The following ZNF420 variants were observed in gnomAD, a reference collection of about 807,000 sequenced individuals.
ZNF420 encodes ATM and p53-associated KZNF protein.
A neutral mutation model predicts 44.7 loss-of-function variants in ZNF420; 31 were observed. That is an observed-to-expected ratio of 0.69 (90% CI 0.52 to 0.94). The LOEUF (loss-of-function observed/expected upper bound fraction) is 0.94. ZNF420 is among the 40% of genes least tolerant of loss of function. The pLI, the probability that ZNF420 is intolerant of heterozygous loss-of-function variation, is 0.00. For missense variants in ZNF420, 681 were observed against 827.9 expected, an observed-to-expected ratio of 0.82 and a Z score of 2.18; for synonymous variants, 245 against 267.4, an observed-to-expected ratio of 0.92 and a Z score of 0.82.
chr19:37,062,285 A>G (rs1289632898), intron 1 of ZNF420, among the ~76,000 whole-genome samples: 1 of 152,182 alleles, frequency 6.6e-6, no homozygotes, highest in Non-Finnish European at 1.5e-5. Context: ...AGTCATAGGA[A>G]AGATGGGATG....
chr19:37,121,906 A>T (rs1033978821), intron 4 of ZNF420, among the ~76,000 whole-genome samples: 211 of 152,336 alleles, frequency 1.4e-3, no homozygotes, highest in African/African-American at 4.8e-3. Flanking sequence ...TGCAAATCAA[A>T]ACCACAATAC....
intron 4 of ZNF420, among the ~76,000 whole-genome samples, chr19:37,096,941 C>T (rs143152686): frequency 0.015 from 2,323 of 151,128 alleles, 67 homozygotes; most frequent in African/African-American, 0.054. Context: ...CTGTGTCACC[C>T]AGGCTGGAGT....
intron 4 of ZNF420, among the ~76,000 whole-genome samples, chr19:37,101,184 C>T (rs1969757006): frequency 6.6e-6 from 1 of 152,030 alleles, no homozygotes; most frequent in South Asian, 2.1e-4. Context: ...GATGTCTGTG[C>T]ACTGAGCAAT....
At chr19:37,066,668 T>C (rs910972934) in intron 1 of ZNF420, among the ~76,000 whole-genome samples, 3 of 152,226 alleles carry the variant, frequency 2.0e-5, no homozygotes, top group Non-Finnish European at 2.9e-5. Flanking sequence ...GTAGGGAGAC[T>C]GAAACTCTCA....
At chr19:37,075,114 TGTCCAGGGTCA>T (rs759736068), upstream of ZNF420, 1 of 152,234 alleles carries the variant, frequency 6.6e-6, no homozygotes, top group Non-Finnish European at 1.5e-5. Context: ...TTACCAATGC[TGTCCAGGGTCA>T]GACACTATAA....
upstream of ZNF420, among the ~76,000 whole-genome samples, chr19:37,073,912 T>C (rs1968105243): frequency 6.6e-6 from 1 of 151,904 alleles, no homozygotes; most frequent in African/African-American, 2.4e-5. Flanking sequence ...ACACAGAGGA[T>C]GATAACAGGC....
chr19:37,063,026 T>C (rs914197356), intron 1 of ZNF420, among the ~76,000 whole-genome samples: 1 of 152,254 alleles, frequency 6.6e-6, no homozygotes, highest in Non-Finnish European at 1.5e-5. Context: ...TTAAACATTA[T>C]TTCTAAATTA....
upstream of ZNF420, among the ~76,000 whole-genome samples, chr19:37,076,919 G>A (rs1968171505): frequency 6.6e-6 from 1 of 152,128 alleles, no homozygotes; most frequent in Admixed American, 6.5e-5. Context: ...ATTTCACATA[G>A]CTATGCCTGA....
At chr19:37,092,135 T>G (rs1969187789) in intron 4 of ZNF420, 1 of 152,172 alleles carries the variant, frequency 6.6e-6, no homozygotes, top group Non-Finnish European at 1.5e-5. Flanking sequence ...TTATTCCTTG[T>G]GCTGGAATAA....
rs1164100955 is a variant in ZNF420 at position 37,128,590 on chromosome 19, T to C, written c.1599T>C (p.Cys533=). ...ACACTGGTGAGAAACCCTATGTGTG[T>C]AATGAATGTGGAAAGGCCTTTGCGC... is the stretch of plus-strand genomic sequence containing the variant. ...RLHTGEKPYV[C]NECGKAFARG... Residue 533 remains cysteine (C), a synonymous_variant, in exon 5 of 5, where the codon TGT becomes TGC. Transcript: ENST00000337995. 6.2e-7 allele frequency: 1 copy of C among 1,613,794 alleles called. No individual in the cohort carries two copies. Among genetic ancestry groups the C allele is most frequent in the South Asian group, 1.1e-5 (1 of 91,056 alleles).
chr19:37,067,734 CAAG>C (rs2096917769), intron 1 of ZNF420, among the ~76,000 whole-genome samples: 1 of 152,020 alleles, frequency 6.6e-6, no homozygotes, highest in South Asian at 2.1e-4. Flanking sequence ...AAAAGTGATG[CAAG>C]AAGGAGAGGT....
At chr19:37,030,571 G>C (rs1242146138) in intron 1 of ZNF420, among the ~76,000 whole-genome samples, 4 of 152,118 alleles carry the variant, frequency 2.6e-5, no homozygotes, top group African/African-American at 9.7e-5. Context: ...TGCCCTCCAG[G>C]CTCATCCATG....
intron 1 of ZNF420, among the ~76,000 whole-genome samples, chr19:37,029,920 A>G (rs575383515): frequency 2.6e-5 from 4 of 152,304 alleles, no homozygotes; most frequent in Admixed American, 2.0e-4. Flanking sequence ...AGCCAATTAA[A>G]ATATCTATCA....
intron 1 of ZNF420, among the ~76,000 whole-genome samples, chr19:37,038,598 T>A (rs551568922): frequency 6.6e-6 from 1 of 152,190 alleles, no homozygotes; most frequent in Non-Finnish European, 1.5e-5. Flanking sequence ...CAGGAGTAGA[T>A]TCCATCTCAA....
At chr19:37,010,986 T>G (rs703532) in intron 1 of ZNF420, among the ~76,000 whole-genome samples, 1 of 152,144 alleles carries the variant, frequency 6.6e-6, no homozygotes, top group Admixed American at 6.5e-5. Flanking sequence ...GAATGGGACA[T>G]GGCAAAAACC....
intron 1 of ZNF420, among the ~76,000 whole-genome samples, chr19:37,012,928 G>A (rs964039882): frequency 1.3e-5 from 2 of 151,992 alleles, no homozygotes; most frequent in Non-Finnish European, 2.9e-5. Context: ...GCACCGGAGT[G>A]CTGTTTCTTT....
chr19:37,111,748 T>G (rs1056477623), intron 4 of ZNF420: 1 of 152,176 alleles, frequency 6.6e-6, no homozygotes, highest in African/African-American at 2.4e-5. Flanking sequence ...GCTGGTTCTT[T>G]ATTATTTATG....
upstream of ZNF420, among the ~76,000 whole-genome samples, chr19:37,075,641 C>A (rs1968132721): frequency 6.6e-6 from 1 of 152,064 alleles, no homozygotes; most frequent in Non-Finnish European, 1.5e-5. Flanking sequence ...ACTCGGGAGG[C>A]TGAGGCAGGA....
Position 37,127,777 on chromosome 19 carries a change from G to C in ZNF420, c.786G>C (p.Gln262His), listed in dbSNP as rs1971435167. 1 of 1,611,572 alleles carries C rather than the reference G, an allele frequency of 6.2e-7. No individual in the cohort carries two copies. Among genetic ancestry groups the C allele is most frequent in the South Asian group, 1.1e-5 (1 of 90,936 alleles). Residue 262 changes from glutamine (Q) to histidine (H), a missense_variant, in exon 5 of 5, where the codon CAG becomes CAC. Physicochemically the swap from Gln to His is conservative, Grantham distance 24. This residue lies in a region of ZNF420 where 350 missense variants were observed against 382.5 expected (regional missense o/e 0.92). Transcript: ENST00000337995. ...ECKECGKAFT[Q>H]NSQLTLHQRL... ...AAGAATGTGGGAAGGCCTTTACTCA[G>C]AATTCACAACTTACACTACACCAGA...
Sources: allele counts gnomAD v4.1 joint callset (sites outside exome capture counted in the v4.1 genomes callset), GRCh38; gene constraint gnomAD v4.1.1; regional missense constraint gnomAD v4.1.1; transcripts MANE v1.5; gene names NCBI Gene and HGNC (gene_info 2026-07-23, HGNC 2026-07-21).